Variants in GPC6 observed in about 807,000 individuals in gnomAD.
The protein encoded by GPC6 is glypican 6, also known as glypican-6.
GPC6 carries 14 observed loss-of-function variants against 55.2 expected under a neutral mutation model. The ratio of observed to expected loss-of-function variants is 0.25; its 90% confidence interval spans 0.17 to 0.40. The LOEUF (loss-of-function observed/expected upper bound fraction) is 0.40, where lower values mean the gene tolerates loss of function less well. Ranked by LOEUF, GPC6 falls within the 10% of genes least tolerant of loss-of-function variation. The pLI, the probability that GPC6 is intolerant of heterozygous loss-of-function variation, is 1.00. For missense variants in GPC6, 641 were observed against 708.5 expected, an observed-to-expected ratio of 0.90 and a Z score of 1.08; for synonymous variants, 278 against 259.6, an observed-to-expected ratio of 1.07 and a Z score of -0.68.
chr13:93,513,411 A>G (rs1881059364), intron 1 of GPC6, among the ~76,000 whole-genome samples: 1 of 152,184 alleles, frequency 6.6e-6, no homozygotes. Flanking sequence ...TAGCCAAATC[A>G]AATTGGTGAT....
At chr13:93,399,453 C>G (rs1875987737) in intron 1 of GPC6, among the ~76,000 whole-genome samples, 1 of 152,152 alleles carries the variant, frequency 6.6e-6, no homozygotes, top group Non-Finnish European at 1.5e-5. Flanking sequence ...TGAAGGAAAT[C>G]AATAAATGAA....
At chr13:94,150,127 A>C (rs2138894083) in intron 4 of GPC6, among the ~76,000 whole-genome samples, 1 of 152,132 alleles carries the variant, frequency 6.6e-6, no homozygotes, top group Non-Finnish European at 1.5e-5. Flanking sequence ...TCTGCCTCTA[A>C]GTTGCTCAAG....
intron 4 of GPC6, among the ~76,000 whole-genome samples, chr13:94,157,769 A>C (rs1888005948): frequency 6.6e-6 from 1 of 152,158 alleles, no homozygotes; most frequent in Non-Finnish European, 1.5e-5. Context: ...GAAAACTGGA[A>C]GGCAGGAAGA....
At chr13:93,908,367 GCA>G in intron 3 of GPC6, among the ~76,000 whole-genome samples, 1 of 152,170 alleles carries the variant, frequency 6.6e-6, no homozygotes, top group Non-Finnish European at 1.5e-5. Flanking sequence ...TGTGATTAGA[GCA>G]CAAATGAGTC....
chr13:93,269,303 G>C (rs1252557363), intron 1 of GPC6, among the ~76,000 whole-genome samples: 1 of 152,016 alleles, frequency 6.6e-6, no homozygotes, highest in Non-Finnish European at 1.5e-5. Context: ...ACTAAATTTT[G>C]ATATATTAAG....
chr13:93,990,586 GTGGCTCACA>G, intron 3 of GPC6, among the ~76,000 whole-genome samples: 1 of 152,112 alleles, frequency 6.6e-6, no homozygotes, highest in East Asian at 1.9e-4. Flanking sequence ...GCTGGGTACA[GTGGCTCACA>G]CCTGTAGCCC....
intron 4 of GPC6, among the ~76,000 whole-genome samples, chr13:94,107,396 T>C (rs1886093057): frequency 6.6e-6 from 1 of 152,148 alleles, no homozygotes; most frequent in African/African-American, 2.4e-5. Flanking sequence ...ATTTCTACAT[T>C]TGCTGGCCTG....
chr13:93,849,141 AT>A (rs1888306256), intron 3 of GPC6, among the ~76,000 whole-genome samples: 1 of 152,178 alleles, frequency 6.6e-6, no homozygotes, highest in Non-Finnish European at 1.5e-5. Context: ...AACTATTGCA[AT>A]TTGGATATGG....
intron 1 of GPC6, among the ~76,000 whole-genome samples, chr13:93,255,642 G>C (rs183737150): frequency 8.9e-4 from 135 of 152,166 alleles, no homozygotes; most frequent in Admixed American, 2.9e-3. Context: ...CCTGATCTTT[G>C]AATGAAAGGT....
At chr13:93,585,254 A>C (rs1877138372) in intron 2 of GPC6, among the ~76,000 whole-genome samples, 1 of 152,166 alleles carries the variant, frequency 6.6e-6, no homozygotes, top group African/African-American at 2.4e-5. Context: ...TTTATGAAAA[A>C]CAATCTCTTT....
At chr13:94,076,759 G>A (rs758599227) in intron 4 of GPC6, among the ~76,000 whole-genome samples, 37 of 151,608 alleles carry the variant, frequency 2.4e-4, no homozygotes, top group Non-Finnish European at 3.7e-4. Context: ...TGTATTTTTG[G>A]TACCTTTTTT....
At chr13:94,341,606 T>A (rs960803134) in intron 6 of GPC6, among the ~76,000 whole-genome samples, 9 of 151,492 alleles carry the variant, frequency 5.9e-5, no homozygotes, top group Middle Eastern at 3.4e-3. Context: ...AAAAAAAGAT[T>A]GTTACTATGC....
chr13:94,009,559 A>G (rs1451775604), intron 3 of GPC6, among the ~76,000 whole-genome samples: 1 of 152,142 alleles, frequency 6.6e-6, no homozygotes, highest in East Asian at 1.9e-4. Flanking sequence ...GATGACCTTG[A>G]CAGTAGGCTC....
intron 2 of GPC6, among the ~76,000 whole-genome samples, chr13:93,771,743 A>G (rs1002332730): frequency 3.9e-5 from 6 of 152,130 alleles, no homozygotes; most frequent in Non-Finnish European, 8.8e-5. Flanking sequence ...AAAGTCAAGC[A>G]TAGGAGATCC....
chr13:93,444,522 GCTTGAAC>G (rs1566360866), intron 1 of GPC6, among the ~76,000 whole-genome samples: 1 of 152,116 alleles, frequency 6.6e-6, no homozygotes, highest in Admixed American at 6.5e-5. Flanking sequence ...CAGAAGAATC[GCTTGAAC>G]CTGGGAAGCG....
intron 6 of GPC6, among the ~76,000 whole-genome samples, chr13:94,334,950 A>C (rs1237430467): frequency 1.3e-5 from 2 of 152,248 alleles, no homozygotes; most frequent in Non-Finnish European, 2.9e-5. Flanking sequence ...GAAGGCAGTC[A>C]AACTATTAGA....
At chr13:93,951,312 T>A (rs1879243319) in intron 3 of GPC6, among the ~76,000 whole-genome samples, 1 of 152,108 alleles carries the variant, frequency 6.6e-6, no homozygotes. Flanking sequence ...ATTATTATTA[T>A]GTGATTTTAG....
chr13:93,538,885 C>G (rs572572672), intron 1 of GPC6, among the ~76,000 whole-genome samples: 2 of 151,882 alleles, frequency 1.3e-5, no homozygotes, highest in African/African-American at 4.8e-5. Flanking sequence ...TTTAAATACT[C>G]ATGGGTATGT....
intron 6 of GPC6, among the ~76,000 whole-genome samples, chr13:94,315,903 G>A (rs905665799): frequency 2.6e-5 from 4 of 152,184 alleles, no homozygotes; most frequent in Non-Finnish European, 5.9e-5. Context: ...GGCTTTGAAT[G>A]CGGCCCAACA....
Sources: allele counts gnomAD v4.1 joint callset (sites outside exome capture counted in the v4.1 genomes callset), GRCh38; gene constraint gnomAD v4.1.1; transcripts MANE v1.5; gene names NCBI Gene and HGNC (gene_info 2026-07-23, HGNC 2026-07-21).